NCOR2: variants seen among roughly 807,000 people sequenced by gnomAD.
NCOR2 encodes CTG repeat protein 26.
NCOR2 carries 81 observed loss-of-function variants against 262.9 expected under a neutral mutation model. That is an observed-to-expected ratio of 0.31 (90% CI 0.26 to 0.37). NCOR2 has a LOEUF of 0.37. Among genes scored for constraint, NCOR2 ranks in the 10% least tolerant of loss-of-function variants. NCOR2 has a pLI of 1.00. For missense variants in NCOR2, 3,385 were observed against 3,621.4 expected, an observed-to-expected ratio of 0.93 and a Z score of 1.68; for synonymous variants, 1,659 against 1,559.3, an observed-to-expected ratio of 1.06 and a Z score of -1.51.
intron 34 of NCOR2, 59 bp downstream of exon 36, chr12:124,341,764 G>A (rs900073838): frequency 1.1e-5 from 17 of 1,547,188 alleles, no homozygotes; most frequent in South Asian, 2.4e-5. Context: ...ACAGGGGCAC[G>A]CCCATGTCCT....
In NCOR2 at chr12:124,548,873, C is replaced by A. The variant is rs1343637061; in HGVS notation, c.-164-13262G>T. 2.6e-5 allele frequency among the ~76,000 whole-genome samples: 4 copies of A among 152,184 alleles called. No homozygotes were observed. Among genetic ancestry groups the A allele is most frequent in the Non-Finnish European group, 5.9e-5 (4 of 68,042 alleles). ...AAATGTCACTCTCCTCTCCCCCCAG[C>A]ACTGCAGGGCTCTGATCTGCTTTCT... On this transcript the variant is annotated intron_variant, in intron 1 of 32. Transcript: ENST00000458234. The surrounding 1 kb of genome is among the most constrained non-coding windows in gnomAD (Gnocchi z 5.1).
In NCOR2 at chr12:124,437,238, G is replaced by C. The variant is rs146156542; in HGVS notation, c.882+692C>G. Reference sequence around the variant, plus strand: ...ATTCCTTTCCTGTTGAAGCCCATCTGAGTCCGCGCTTCTTCCCCTGACAGC... The same window carrying C: ...ATTCCTTTCCTGTTGAAGCCCATCTCAGTCCGCGCTTCTTCCCCTGACAGC... On this transcript the variant is annotated intron_variant, in intron 8 of 46. Coordinates refer to ENST00000405201, the Ensembl canonical transcript of NCOR2. Among the ~76,000 whole-genome samples, 539 of 152,276 alleles carry C rather than the reference G, an allele frequency of 3.5e-3. 7 individuals carry two copies. The highest frequency in any genetic ancestry group is 0.012 in the African/African-American group (504 of 41,550).
intron 6 of NCOR2, among the ~76,000 whole-genome samples, chr12:124,452,599 C>T (rs1014055563): frequency 5.9e-5 from 9 of 152,204 alleles, no homozygotes; most frequent in African/African-American, 1.9e-4. Context: ...AGCAAACAGC[C>T]GAAGGGGGCC....
intron 2 of NCOR2, 150 bp downstream of exon 4, chr12:124,486,291 C>T (rs1003499573): frequency 2.5e-5 from 32 of 1,263,598 alleles, no homozygotes; most frequent in African/African-American, 3.1e-5. Flanking sequence ...CCCCGAGTCA[C>T]GCCCACGCCA....
chr12:124,341,090 A>C (rs1488195952), intron 34 of NCOR2, among the ~76,000 whole-genome samples: 1 of 152,174 alleles, frequency 6.6e-6, no homozygotes, highest in Non-Finnish European at 1.5e-5. Flanking sequence ...CAAAATACTT[A>C]AGTGTGACTT....
chr12:124,562,357 T>G (rs2052100500), intron 1 of NCOR2: 1 of 152,160 alleles, frequency 6.6e-6, no homozygotes, highest in African/African-American at 2.4e-5. Context: ...GCGGGCATTA[T>G]TTTCTTTCCC....
intron 1 of NCOR2, among the ~76,000 whole-genome samples, chr12:124,516,620 G>A (rs565180130): frequency 5.0e-4 from 76 of 152,150 alleles, no homozygotes; most frequent in African/African-American, 1.4e-3. Flanking sequence ...GAGACACACC[G>A]GCAGGCTGCA....
chr12:124,445,138 C>T (rs1210930792), intron 7 of NCOR2, among the ~76,000 whole-genome samples: 4 of 152,282 alleles, frequency 2.6e-5, no homozygotes, highest in Non-Finnish European at 2.9e-5. Context: ...CTGAGGGGGC[C>T]GGTGAACCAG....
chr12:124,376,403 G>A (rs561050615), intron 18 of NCOR2, among the ~76,000 whole-genome samples: 12 of 152,308 alleles, frequency 7.9e-5, no homozygotes, highest in African/African-American at 2.4e-4. Flanking sequence ...CCTGCATCCC[G>A]CCCATTCAGA....
intron 16 of NCOR2, among the ~76,000 whole-genome samples, chr12:124,391,851 A>G (rs2041329237): frequency 6.6e-6 from 1 of 152,158 alleles, no homozygotes; most frequent in African/African-American, 2.4e-5. Flanking sequence ...CTCGCCTACC[A>G]TTTCCGGAAG....
intron 1 of NCOR2, among the ~76,000 whole-genome samples, chr12:124,550,096 G>A (rs1479311072): frequency 1.3e-5 from 2 of 152,108 alleles, no homozygotes; most frequent in African/African-American, 2.4e-5. Context: ...GGGCTGAGGT[G>A]CTACTGGGGT....
rs182094793 is a variant in NCOR2 at position 124,454,504 on chromosome 12, A to G, written c.762+2602T>C. Among the ~76,000 whole-genome samples, 7 of 152,244 alleles carry G rather than the reference A, an allele frequency of 4.6e-5. No homozygotes were observed. Among genetic ancestry groups the G allele is most frequent in the Non-Finnish European group, 4.4e-5 (3 of 68,000 alleles). ...CATCTGCCCACAGACTCCCACGGAC[A>G]GGGGCTTCCTCGCCTGTGTTCCTCG... On this transcript the variant is annotated intron_variant, in intron 6 of 46. Coordinates refer to ENST00000405201, the Ensembl canonical transcript of NCOR2. This position sits in a 1 kb window ranked among gnomAD's most constrained non-coding sequence, Gnocchi z 5.6.
intron 27 of NCOR2, among the ~76,000 whole-genome samples, chr12:124,352,041 TC>T (rs1172150891): frequency 3.9e-5 from 6 of 151,926 alleles, no homozygotes; most frequent in East Asian, 1.9e-4. Flanking sequence ...TCTGATGAGC[TC>T]CCCCCAAACT....
At chr12:124,363,739 T>C in exon 21 of NCOR2, 2 of 1,398,376 alleles carry the variant, frequency 1.4e-6, no homozygotes, top group East Asian at 2.7e-5. Flanking sequence ...GCTTCTGGGG[T>C]GAGGCATTGG....
At chr12:124,324,524 A>G (rs1260475569) in exon 47 of NCOR2, 1 of 152,290 alleles carries the variant, frequency 6.6e-6, no homozygotes, top group Non-Finnish European at 1.5e-5. Flanking sequence ...CTGCCCAAGG[A>G]AGGGAGGGAG....
intron 1 of NCOR2, chr12:124,556,321 G>A (rs909551267): frequency 2.0e-5 from 3 of 152,528 alleles, no homozygotes; most frequent in Admixed American, 6.5e-5. Context: ...CGGGCACCAG[G>A]GCACGAGGCA....
chr12:124,419,178 T>C (rs2043075153), intron 13 of NCOR2, among the ~76,000 whole-genome samples: 2 of 152,128 alleles, frequency 1.3e-5, no homozygotes, highest in African/African-American at 4.8e-5. Context: ...CTACCATTAT[T>C]TACTGGATAT....
chr12:124,431,226 A>C (rs1045351307), intron 8 of NCOR2, among the ~76,000 whole-genome samples: 2 of 151,736 alleles, frequency 1.3e-5, no homozygotes, highest in African/African-American at 4.9e-5. Context: ...AGTCAGACAG[A>C]TATACACAGG....
chr12:124,356,762 T>C lies in NCOR2; in HGVS notation c.3121A>G (p.Lys1041Glu), dbSNP rs564703466. ...CAGCAAGGGGGGTCCCCAGGCAGCTTCTGGGCCTCGGCTGCGAAGGCTGGG... is the reference window on the plus strand; with the variant it reads ...CAGCAAGGGGGGTCCCCAGGCAGCTCCTGGGCCTCGGCTGCGAAGGCTGGG... The change falls in exon 23 of 47, where the codon AAG (lysine) becomes GAG (glutamate). Residue 1041 changes from lysine (K) to glutamate (E), a missense_variant. Transcript: ENST00000405201. 7.6e-5 allele frequency: 113 copies of C among 1,487,902 alleles called. 1 individual carries two copies. In the South Asian group the frequency reaches 1.3e-3, roughly 18 times the overall value. 92.2% of individuals were successfully genotyped at this position (1,487,902 alleles called of 1,614,324 possible).
Sources: gnomAD v4.1 joint callset for allele counts (sites outside exome capture counted in the v4.1 genomes callset) on GRCh38, gnomAD v4.1.1 for gene constraint, Gnocchi (gnomAD v3.1) non-coding constraint, MANE v1.5 for transcripts, NCBI Gene and HGNC (gene_info 2026-07-23, HGNC 2026-07-21) for gene names.